NRXN1: variants seen among roughly 807,000 people sequenced by gnomAD.
The protein encoded by NRXN1 is neurexin-1.
A neutral mutation model predicts 150.9 loss-of-function variants in NRXN1; 39 were observed. The ratio of observed to expected loss-of-function variants is 0.26; its 90% CI spans 0.20 to 0.34. NRXN1 has a LOEUF of 0.34. NRXN1 is among the 10% of genes least tolerant of loss of function. The pLI, the probability that NRXN1 is intolerant of heterozygous loss-of-function variation, is 1.00. For missense variants in NRXN1, 1,815 were observed against 1,949.9 expected, an observed-to-expected ratio of 0.93 and a Z score of 1.30; for synonymous variants, 924 against 757.0, an observed-to-expected ratio of 1.22 and a Z score of -3.62.
At chr2:50,739,189 G>A in intron 5 of NRXN1, 1 of 411,402 alleles carries the variant, frequency 2.4e-6, no homozygotes, top group Admixed American at 2.5e-5. Flanking sequence ...TTATGATTAT[G>A]GATTTTCTGA....
At chr2:50,535,395 G>A (rs1041181035) in intron 10 of NRXN1, among the ~76,000 whole-genome samples, 1 of 152,176 alleles carries the variant, frequency 6.6e-6, no homozygotes, top group African/African-American at 2.4e-5. Context: ...AGTCTAAAGT[G>A]TACACCTGTG....
At chr2:50,738,521 T>C (rs117270703) in intron 5 of NRXN1, among the ~76,000 whole-genome samples, 46 of 152,324 alleles carry the variant, frequency 3.0e-4, no homozygotes, top group Middle Eastern at 3.4e-3. Flanking sequence ...TGAGCAATAA[T>C]AGAAGAATAC....
intron 17 of NRXN1, among the ~76,000 whole-genome samples, chr2:50,388,127 T>C (rs553963435): frequency 2.6e-5 from 4 of 152,208 alleles, no homozygotes; most frequent in Non-Finnish European, 4.4e-5. Context: ...GAACCAACTA[T>C]ACCAGGTAGA....
intron 18 of NRXN1, among the ~76,000 whole-genome samples, chr2:50,193,917 A>T (rs2061595109): frequency 6.6e-6 from 1 of 152,200 alleles, no homozygotes; most frequent in African/African-American, 2.4e-5. Context: ...TACACTGTTG[A>T]TAATGACTAT....
intron 2 of NRXN1, among the ~76,000 whole-genome samples, chr2:50,969,115 C>G (rs962919175): frequency 3.3e-5 from 5 of 152,096 alleles, no homozygotes; most frequent in Admixed American, 3.3e-4. Context: ...CAGCTATGCC[C>G]TTCCTGCCTT....
intron 2 of NRXN1, among the ~76,000 whole-genome samples, chr2:50,994,836 G>T (rs1043888461): frequency 7.2e-5 from 11 of 151,974 alleles, no homozygotes; most frequent in Admixed American, 1.3e-4. Flanking sequence ...AGCAAGCACA[G>T]GATACAAAAT....
At chr2:50,258,982 T>C in intron 17 of NRXN1, among the ~76,000 whole-genome samples, 1 of 152,032 alleles carries the variant, frequency 6.6e-6, no homozygotes, top group South Asian at 2.1e-4. Flanking sequence ...ATTCACTCTT[T>C]GCTGTTTCAT....
rs182993896 is a variant in NRXN1 at position 50,300,838 on chromosome 2, G to A, written c.3365-63868C>T. Reference sequence around the variant, plus strand: ...AGCCTCCTGAGTAGCCGGGATTACAGGCGCCTGGCACCACGCCTGGCTAAT... The same window carrying A: ...AGCCTCCTGAGTAGCCGGGATTACAAGCGCCTGGCACCACGCCTGGCTAAT... On this transcript the variant is annotated intron_variant, in intron 17 of 22. Coordinates refer to ENST00000401669, the MANE Select transcript of NRXN1 (RefSeq NM_001330078.2). Among the ~76,000 whole-genome samples the A allele has an allele frequency of 3.6e-4, 55 of 152,246 alleles. No homozygotes were observed. In the East Asian group the frequency reaches 0.01, roughly 29 times the overall value.
At position 50,924,475 on chromosome 2, in the gene NRXN1, G is replaced by C. The variant is rs56309954; in HGVS notation, c.790+1463C>G. Among the ~76,000 whole-genome samples, 1,383 of 151,718 alleles carry C rather than the reference G, an allele frequency of 9.1e-3. 6 individuals carry two copies. The highest frequency in any genetic ancestry group is 0.014 in the Middle Eastern group (4 of 294). ...CTTGGGATGCAATAGGATTTTAAGAGAAAAGAAAAGCATTTCACAGGATGG... is the reference window on the plus strand; with the variant it reads ...CTTGGGATGCAATAGGATTTTAAGACAAAAGAAAAGCATTTCACAGGATGG... On this transcript the variant is annotated intron_variant, in intron 3 of 22. Transcript: ENST00000401669.
At chr2:50,223,390 T>C (rs2064071836) in intron 18 of NRXN1, among the ~76,000 whole-genome samples, 1 of 151,938 alleles carries the variant, frequency 6.6e-6, no homozygotes, top group Non-Finnish European at 1.5e-5. Flanking sequence ...CAGTTACAAA[T>C]AATCAAATAA....
chr2:50,634,277 G>A (rs1682888710), intron 5 of NRXN1, among the ~76,000 whole-genome samples: 1 of 152,218 alleles, frequency 6.6e-6, no homozygotes, highest in Non-Finnish European at 1.5e-5. Context: ...ACAGCAGTGA[G>A]TCCAACATTT....
At chr2:50,514,866 C>T (rs1351046286) in intron 12 of NRXN1, among the ~76,000 whole-genome samples, 1 of 152,170 alleles carries the variant, frequency 6.6e-6, no homozygotes, top group Non-Finnish European at 1.5e-5. Flanking sequence ...GTTTTAGATT[C>T]GATATTGCCA....
intron 21 of NRXN1, among the ~76,000 whole-genome samples, chr2:49,961,504 G>A (rs1675950831): frequency 6.6e-6 from 1 of 151,970 alleles, no homozygotes; most frequent in Non-Finnish European, 1.5e-5. Context: ...TATGCAAACT[G>A]TCAACTAGAT....
chr2:50,976,599 T>C (rs1215440374), intron 2 of NRXN1, among the ~76,000 whole-genome samples: 1 of 151,982 alleles, frequency 6.6e-6, no homozygotes, highest in East Asian at 1.9e-4. Context: ...GGGGACCAAG[T>C]AGTTAATGTC....
chr2:50,333,723 G>A (rs2076979330), intron 17 of NRXN1, among the ~76,000 whole-genome samples: 1 of 151,824 alleles, frequency 6.6e-6, no homozygotes, highest in Non-Finnish European at 1.5e-5. Context: ...AGGTCTTTTG[G>A]CAGAGAGTGA....
intron 18 of NRXN1, among the ~76,000 whole-genome samples, chr2:50,201,186 T>G: frequency 6.6e-6 from 1 of 152,296 alleles, no homozygotes; most frequent in Admixed American, 6.5e-5. Context: ...TGCTTACTGC[T>G]ATGCAATAAA....
chr2:50,433,666 A>C (rs1056144630), intron 17 of NRXN1, among the ~76,000 whole-genome samples: 1 of 151,644 alleles, frequency 6.6e-6, no homozygotes, highest in Admixed American at 6.6e-5. Context: ...GAGAAACATA[A>C]AAGAGAGAAA....
chr2:50,209,310 G>T (rs573733870), intron 18 of NRXN1, among the ~76,000 whole-genome samples: 5 of 152,120 alleles, frequency 3.3e-5, no homozygotes, highest in African/African-American at 1.2e-4. Context: ...AAATGCCAGA[G>T]AGTCTAATTC....
At chr2:49,956,418 T>C (rs1674953466) in intron 21 of NRXN1, among the ~76,000 whole-genome samples, 1 of 152,154 alleles carries the variant, frequency 6.6e-6, no homozygotes, top group Non-Finnish European at 1.5e-5. Context: ...GCTACCACCA[T>C]TCACTGTAAG....
Sources: gnomAD v4.1 joint callset for allele counts (sites outside exome capture counted in the v4.1 genomes callset) on GRCh38, gnomAD v4.1.1 for gene constraint, MANE v1.5 for transcripts, NCBI Gene and HGNC (gene_info 2026-07-23, HGNC 2026-07-21) for gene names.